The following AMPH variants were observed in gnomAD, a reference collection of about 807,000 sequenced individuals.
AMPH encodes the protein amphiphysin.
Under a neutral mutation model 99.1 loss-of-function variants are expected in AMPH, and 49 were observed. The ratio of observed to expected loss-of-function variants is 0.49; its 90% CI spans 0.39 to 0.63. The LOEUF (loss-of-function observed/expected upper bound fraction) is 0.63. AMPH is among the 20% of genes least tolerant of loss of function. The pLI is 0.00. For missense variants in AMPH, 759 were observed against 863.4 expected (o/e 0.88, Z 1.52); for synonymous variants, 314 against 317.3 (o/e 0.99, Z 0.11).
At chr7:38,420,169 C>G (rs993126418) in intron 16 of AMPH, among the ~76,000 whole-genome samples, 3 of 152,128 alleles carry the variant, frequency 2.0e-5, no homozygotes, top group Non-Finnish European at 4.4e-5. Flanking sequence ...GATAGTATAG[C>G]TCACTAAATG....
At chr7:38,420,362 C>T (rs140510583) in intron 16 of AMPH, among the ~76,000 whole-genome samples, 2 of 152,154 alleles carry the variant, frequency 1.3e-5, no homozygotes, top group African/African-American at 2.4e-5. Flanking sequence ...GGGAATTGTG[C>T]CCTACCTTCA....
In AMPH at chr7:38,394,132, G is replaced by A. The variant is rs766808058; in HGVS notation, c.1481C>T (p.Ala494Val). Reference sequence around the variant, plus strand: ...CCCGGCAGGGACAGTGGCCTTCTCCGCCTCTGCTTCCTCTCCTGGGGCCCC... The same window carrying A: ...CCCGGCAGGGACAGTGGCCTTCTCCACCTCTGCTTCCTCTCCTGGGGCCCC... ...AEGAPGEEAE[A>V]EKATVPAGEG... The change falls in exon 18 of 21, where the codon GCG (alanine) becomes GTG (valine). Residue 494 changes from alanine (A) to valine (V), a missense_variant. By Grantham distance (64) the Ala-to-Val change is moderately conservative. This residue lies in a region of AMPH where 554 missense variants were observed against 575.6 expected (regional missense o/e 0.96). Coordinates refer to ENST00000356264, the MANE Select transcript of AMPH (RefSeq NM_001635.4). 45 of 1,613,994 alleles carry A rather than the reference G, an allele frequency of 2.8e-5. No individual in the cohort carries two copies. Among genetic ancestry groups the A allele is most frequent in the Admixed American group, 1.7e-4 (10 of 59,988 alleles).
At chr7:38,388,889 C>T (rs1198134329) in intron 20 of AMPH, among the ~76,000 whole-genome samples, 19 of 152,212 alleles carry the variant, frequency 1.2e-4, no homozygotes, top group Non-Finnish European at 8.8e-5. Flanking sequence ...AGTGATCCTC[C>T]TGCCTTGGCC....
chr7:38,491,241 A>G lies in AMPH; in HGVS notation c.301-96T>C, dbSNP rs1022309544. 4 of 813,430 alleles carry G rather than the reference A, an allele frequency of 4.9e-6. No homozygotes were observed. The African/African-American group carries it at 5.2e-5, about 11-fold the overall frequency. The allele number at this position is 813,430 out of a possible 1,614,324, so 50.4% of individuals were successfully genotyped here. The stretch of plus-strand genomic sequence containing the variant: ...CTGAAACTATAAAATTAGACAAGTA[A>G]TACTTTCCCAGATATGAGATGCTAG... On this transcript the variant is annotated intron_variant, in intron 4 of 20. Transcript: ENST00000356264.
At chr7:38,419,892 C>T (rs1008376365) in intron 16 of AMPH, among the ~76,000 whole-genome samples, 4 of 152,014 alleles carry the variant, frequency 2.6e-5, no homozygotes, top group African/African-American at 7.2e-5. Context: ...TCTTAAAATG[C>T]AAAAAATATT....
chr7:38,447,411 G>T (rs1786829404), intron 11 of AMPH, among the ~76,000 whole-genome samples: 1 of 152,088 alleles, frequency 6.6e-6, no homozygotes, highest in Non-Finnish European at 1.5e-5. Flanking sequence ...TTTTACTTTT[G>T]AAGTTTTACT....
At chr7:38,436,174 T>C in intron 12 of AMPH, 98 bp downstream of exon 12, 4 of 852,674 alleles carry the variant, frequency 4.7e-6, no homozygotes, top group South Asian at 1.6e-5. Context: ...AAAATAAAAA[T>C]AGATAGTAGT....
chr7:38,422,401 A>G lies in AMPH; in HGVS notation c.1272+20T>C, dbSNP rs374010683. 2.5e-6 allele frequency: 4 copies of G among 1,607,490 alleles called. No individual in the cohort carries two copies. The African/African-American group carries it at 5.4e-5, about 22-fold the overall frequency. ...TGATAACTAACAACTTCCTGAGAGCACAAACCCAAATCAACTTACCAAGTT... is the reference window on the plus strand; with the variant it reads ...TGATAACTAACAACTTCCTGAGAGCGCAAACCCAAATCAACTTACCAAGTT... On this transcript the variant is annotated intron_variant, in intron 16 of 20. Transcript: ENST00000356264.
chr7:38,606,568 T>G (rs889504999), intron 1 of AMPH, among the ~76,000 whole-genome samples: 1 of 2,776 alleles, frequency 3.6e-4, no homozygotes, highest in African/African-American at 1.3e-3. Context: ...GTCATTCTCT[T>G]TTTTTTTTTT....
intron 1 of AMPH, among the ~76,000 whole-genome samples, chr7:38,539,816 A>C (rs1790746741): frequency 6.6e-6 from 1 of 152,234 alleles, no homozygotes; most frequent in South Asian, 2.1e-4. Context: ...GCAGTTGCCT[A>C]CATGTAAGCA....
rs1784303650 is a variant in AMPH, at chr7:38,384,717, C to G, written c.*101G>C. The G allele has an allele frequency of 5.2e-6, 5 of 966,132 alleles. No individual in the cohort carries two copies. The South Asian group carries it at 7.9e-5, about 15-fold the overall frequency. The allele number at this position is 966,132 out of a possible 1,614,324, so 59.8% of individuals were successfully genotyped here. A position where few individuals can be genotyped will look rare whatever the true frequency, so the allele number is the denominator to read the frequency against. On this transcript the variant is annotated 3_prime_UTR_variant, in exon 21 of 21. Coordinates refer to ENST00000356264, the MANE Select transcript of AMPH (RefSeq NM_001635.4). Reference sequence around the variant, plus strand: ...TTCCCAAGGTTTGTCTGGCATCAGTCTGTAAATCATTAAGAGCATAATAAC... The same window carrying G: ...TTCCCAAGGTTTGTCTGGCATCAGTGTGTAAATCATTAAGAGCATAATAAC...
chr7:38,393,039 C>A (rs528190855), intron 18 of AMPH, among the ~76,000 whole-genome samples: 1 of 152,316 alleles, frequency 6.6e-6, no homozygotes, highest in Admixed American at 6.5e-5. Context: ...ATTCCCTCTG[C>A]TATCAGCAGA....
Position 38,583,606 on chromosome 7 carries a change from G to C in AMPH, c.69+47677C>G, listed in dbSNP as rs1220503371. The stretch of plus-strand genomic sequence containing the variant: ...TGTACAGGATAGACATATTCTATCA[G>C]GTATTTATTTCCTAAATGCTATTGT... On this transcript the variant is annotated intron_variant, in intron 1 of 20. Transcript: ENST00000356264. 3.9e-5 allele frequency among the ~76,000 whole-genome samples: 6 copies of C among 152,128 alleles called. No homozygotes were observed. In the East Asian group the frequency reaches 1.2e-3, roughly 29 times the overall value.
intron 11 of AMPH, among the ~76,000 whole-genome samples, chr7:38,437,639 A>AAAAAAAAAAAAAAAAAGAAAAG (rs765494380): frequency 3.6e-3 from 352 of 96,602 alleles, no homozygotes; most frequent in Middle Eastern, 5.7e-3. Context: ...AAAAAAAAAA[A>AAAAAAAAAAAAAAAAAGAAAAG]AAAAGAAAAG....
intron 15 of AMPH, among the ~76,000 whole-genome samples, chr7:38,423,227 A>G (rs1785655991): frequency 6.6e-6 from 1 of 152,246 alleles, no homozygotes; most frequent in South Asian, 2.1e-4. Context: ...TATGAACCAT[A>G]TGTTAACATT....
rs547987763 is a variant in AMPH, at chr7:38,550,232, T to A, written c.70-15221A>T. Among the ~76,000 whole-genome samples the A allele has an allele frequency of 2.0e-5, 3 of 152,358 alleles. No homozygotes were observed. In the South Asian group the frequency reaches 6.2e-4, roughly 32 times the overall value. ...CTTAAAGTGGGTCCTCACACCAGCA[T>A]CAGCCTCACCAGGGAGCTTGCTAGA... On this transcript the variant is annotated intron_variant, in intron 1 of 20. Coordinates refer to ENST00000356264, the MANE Select transcript of AMPH (RefSeq NM_001635.4).
At chr7:38,445,363 C>T (rs1255652091) in intron 11 of AMPH, among the ~76,000 whole-genome samples, 1 of 151,904 alleles carries the variant, frequency 6.6e-6, no homozygotes, top group African/African-American at 2.4e-5. Flanking sequence ...TTGGGTTAGG[C>T]AAAGACCTTT....
chr7:38,472,759 A>G (rs1448033392), intron 7 of AMPH, among the ~76,000 whole-genome samples: 1 of 152,226 alleles, frequency 6.6e-6, no homozygotes, highest in Admixed American at 6.5e-5. Flanking sequence ...CCTAAGTGCC[A>G]GAGTGAGACA....
chr7:38,526,348 C>A (rs1193336872), intron 2 of AMPH, among the ~76,000 whole-genome samples: 1 of 150,708 alleles, frequency 6.6e-6, no homozygotes, highest in Non-Finnish European at 1.5e-5. Context: ...CAGCTCACTG[C>A]AACCTCCGCC....
Sources: gnomAD v4.1 joint callset for allele counts (sites outside exome capture counted in the v4.1 genomes callset) on GRCh38, gnomAD v4.1.1 for gene constraint, gnomAD v4.1.1 regional missense constraint, MANE v1.5 for transcripts, NCBI Gene and HGNC (gene_info 2026-07-23, HGNC 2026-07-21) for gene names.